The following KAZN variants were observed in gnomAD, a reference collection of about 807,000 sequenced individuals.
The protein encoded by KAZN is kazrin, periplakin interacting protein, also known as kazrin.
A neutral mutation model predicts 87.4 loss-of-function variants in KAZN; 40 were observed. The observed-to-expected ratio is 0.46, with a 90% CI of 0.36 to 0.60. KAZN has a LOEUF of 0.60. Among genes scored for constraint, KAZN ranks in the 20% least tolerant of loss-of-function variants. KAZN has a pLI of 0.00. For missense variants in KAZN, 898 were observed against 1,073.9 expected (o/e 0.84, Z 2.29); for synonymous variants, 466 against 458.3 (o/e 1.02, Z -0.22).
intron 2 of KAZN, among the ~76,000 whole-genome samples, chr1:14,520,026 G>T (rs1469224483): frequency 9.2e-5 from 14 of 152,162 alleles, no homozygotes; most frequent in Admixed American, 9.2e-4. Flanking sequence ...ATAGGTGGTG[G>T]CAAGAAGACG....
At chr1:14,375,975 T>C (rs762112857) in intron 2 of KAZN, among the ~76,000 whole-genome samples, 2 of 151,692 alleles carry the variant, frequency 1.3e-5, no homozygotes, top group African/African-American at 4.9e-5. Context: ...TTGGAGTATG[T>C]ATGGAGCCAA....
rs12071870 is a variant in KAZN, at chr1:15,065,941, C to T, written c.1222+188C>T. 22,264 of 1,410,102 alleles carry T rather than the reference C, an allele frequency of 0.016. 2,731 individuals are homozygous for T. The African/African-American group carries it at 0.28, about 18-fold the overall frequency. 87.3% of individuals were successfully genotyped at this position (1,410,102 alleles called of 1,614,324 possible). On this transcript the variant is annotated intron_variant, in intron 8 of 14. Transcript: ENST00000376030. ...CACATGGGTGCTGGGTGTGGCCGAG[C>T]GCCTCTAACAAGTGAAAACACGAGT...
chr1:13,955,933 G>T (rs565724718), intron 1 of KAZN, among the ~76,000 whole-genome samples: 6 of 152,218 alleles, frequency 3.9e-5, no homozygotes, highest in Non-Finnish European at 8.8e-5. Flanking sequence ...GTAGAGTCAC[G>T]CCAGTCATTC....
chr1:14,940,040 CA>C (rs1459423943), intron 1 of KAZN, among the ~76,000 whole-genome samples: 1 of 152,150 alleles, frequency 6.6e-6, no homozygotes, highest in Non-Finnish European at 1.5e-5. Flanking sequence ...GGGAGGCAGG[CA>C]TTGATTGGTC....
At chr1:14,180,252 A>G (rs917999183) in intron 1 of KAZN, among the ~76,000 whole-genome samples, 2 of 152,156 alleles carry the variant, frequency 1.3e-5, no homozygotes, top group African/African-American at 4.8e-5. Context: ...ATGGTGTTCA[A>G]TAAGTGTTTG....
intron 2 of KAZN, among the ~76,000 whole-genome samples, chr1:14,572,699 G>GTGACTCATTTGT (rs1674944675): frequency 1.3e-5 from 2 of 152,146 alleles, no homozygotes; most frequent in African/African-American, 2.4e-5. Context: ...TTTAAGAAGG[G>GTGACTCATTTGT]GTATGTGTAC....
chr1:14,363,387 C>T (rs1285697226), intron 2 of KAZN, among the ~76,000 whole-genome samples: 1 of 152,182 alleles, frequency 6.6e-6, no homozygotes, highest in East Asian at 1.9e-4. Flanking sequence ...CACCCACCCA[C>T]CCTCTGGCCG....
chr1:14,523,422 C>T (rs907149325), intron 2 of KAZN, among the ~76,000 whole-genome samples: 1 of 152,220 alleles, frequency 6.6e-6, no homozygotes, highest in Non-Finnish European at 1.5e-5. Flanking sequence ...TGGAGCCTCC[C>T]AGCTCGGAGC....
intron 1 of KAZN, among the ~76,000 whole-genome samples, chr1:14,071,704 T>G (rs1188410391): frequency 6.6e-6 from 1 of 152,100 alleles, no homozygotes; most frequent in Non-Finnish European, 1.5e-5. Flanking sequence ...CCCAAGGAGC[T>G]CTGGTGGAAG....
At chr1:14,413,652 T>G (rs1664502117) in intron 2 of KAZN, among the ~76,000 whole-genome samples, 2 of 149,632 alleles carry the variant, frequency 1.3e-5, no homozygotes, top group African/African-American at 2.4e-5. Context: ...AAGACTACCT[T>G]TATGACCTCT....
At chr1:14,290,007 C>T (rs984037794) in intron 2 of KAZN, among the ~76,000 whole-genome samples, 1 of 152,318 alleles carries the variant, frequency 6.6e-6, no homozygotes, top group African/African-American at 2.4e-5. Context: ...TATTGGCCCC[C>T]ACTCTTTTCT....
chr1:14,393,393 A>G (rs1662621511), intron 2 of KAZN, among the ~76,000 whole-genome samples: 1 of 152,218 alleles, frequency 6.6e-6, no homozygotes, highest in Non-Finnish European at 1.5e-5. Flanking sequence ...AAAGCATAAA[A>G]TAAAAATATT....
intron 2 of KAZN, among the ~76,000 whole-genome samples, chr1:14,231,661 C>T (rs1647860767): frequency 6.6e-6 from 1 of 152,202 alleles, no homozygotes; most frequent in Admixed American, 6.5e-5. Flanking sequence ...CACTACCTAG[C>T]AATAACTGGT....
At chr1:14,054,120 A>C (rs1642451261) in intron 1 of KAZN, among the ~76,000 whole-genome samples, 1 of 151,996 alleles carries the variant, frequency 6.6e-6, no homozygotes, top group Non-Finnish European at 1.5e-5. Flanking sequence ...ATTGTCTACA[A>C]GTTGAAAAAA....
intron 2 of KAZN, among the ~76,000 whole-genome samples, chr1:14,556,331 G>A (rs892512672): frequency 2.4e-4 from 36 of 151,420 alleles, no homozygotes; most frequent in African/African-American, 8.0e-4. Flanking sequence ...GGATGGTCTC[G>A]ATCTCCTGAC....
intron 1 of KAZN, among the ~76,000 whole-genome samples, chr1:13,909,182 G>A (rs1047827984): frequency 2.6e-5 from 4 of 152,178 alleles, no homozygotes; most frequent in Non-Finnish European, 5.9e-5. Context: ...TTATGGGATT[G>A]GTGGACACAC....
At chr1:15,022,890 A>C (rs1670830531) in intron 2 of KAZN, among the ~76,000 whole-genome samples, 1 of 152,232 alleles carries the variant, frequency 6.6e-6, no homozygotes, top group Non-Finnish European at 1.5e-5. Context: ...GAACCAGGGA[A>C]GGGGCAGATT....
chr1:14,079,860 C>G (rs901811762), intron 1 of KAZN, among the ~76,000 whole-genome samples: 1 of 151,826 alleles, frequency 6.6e-6, no homozygotes, highest in African/African-American at 2.4e-5. Flanking sequence ...GGACCCGCCC[C>G]CATGACCCAA....
intron 1 of KAZN, among the ~76,000 whole-genome samples, chr1:13,953,210 T>C (rs1358233077): frequency 6.6e-6 from 1 of 152,188 alleles, no homozygotes; most frequent in African/African-American, 2.4e-5. Context: ...GAGGTGAATT[T>C]TGGCTTTATT....
Sources: gnomAD v4.1 joint callset for allele counts (sites outside exome capture counted in the v4.1 genomes callset) on GRCh38, gnomAD v4.1.1 for gene constraint, MANE v1.5 for transcripts, NCBI Gene and HGNC (gene_info 2026-07-23, HGNC 2026-07-21) for gene names.